ADAMTSL1: variants seen among roughly 807,000 people sequenced by gnomAD.
The protein encoded by ADAMTSL1 is ADAMTS-like protein 1.
ADAMTSL1 carries 126 observed loss-of-function variants against 201.8 expected under a neutral mutation model. The observed-to-expected ratio is 0.62, with a 90% CI of 0.54 to 0.72. The LOEUF is 0.72. Among genes scored for constraint, ADAMTSL1 ranks in the 30% least tolerant of loss-of-function variants. The pLI is 0.00. For missense variants in ADAMTSL1, 2,679 were observed against 2,277.8 expected (o/e 1.18, Z -3.59); for synonymous variants, 1,121 against 903.4 (o/e 1.24, Z -4.32).
chr9:18,247,495 G>A (rs1831303236), intron 2 of ADAMTSL1, among the ~76,000 whole-genome samples: 2 of 152,146 alleles, frequency 1.3e-5, no homozygotes, highest in Admixed American at 6.5e-5. Context: ...ACTGAGAAAA[G>A]AAATAAATAC....
intron 1 of ADAMTSL1, among the ~76,000 whole-genome samples, chr9:18,116,004 T>A (rs1406218405): frequency 6.6e-6 from 1 of 152,190 alleles, no homozygotes; most frequent in Non-Finnish European, 1.5e-5. Context: ...ATAAAACTGT[T>A]CTCTGATATT....
intron 2 of ADAMTSL1, among the ~76,000 whole-genome samples, chr9:18,192,275 C>T (rs1265203929): frequency 6.6e-6 from 1 of 152,068 alleles, no homozygotes. Context: ...AAAACATCAC[C>T]ACTTAGAGCA....
At chr9:18,846,813 C>G (rs187580631) in intron 23 of ADAMTSL1, among the ~76,000 whole-genome samples, 1 of 152,246 alleles carries the variant, frequency 6.6e-6, no homozygotes, top group Admixed American at 6.5e-5. Context: ...TTCAACGGGA[C>G]TTGGTAAATA....
chr9:18,151,686 A>G (rs920526522), intron 1 of ADAMTSL1, among the ~76,000 whole-genome samples: 3 of 152,074 alleles, frequency 2.0e-5, no homozygotes, highest in Non-Finnish European at 2.9e-5. Context: ...TCTTTATAAC[A>G]TAGTAAGAAA....
intron 1 of ADAMTSL1, among the ~76,000 whole-genome samples, chr9:18,056,721 C>A (rs945498878): frequency 6.6e-6 from 1 of 152,080 alleles, no homozygotes; most frequent in Non-Finnish European, 1.5e-5. Context: ...TCTCTCAGAC[C>A]CTTCAGGTAG....
intron 2 of ADAMTSL1, among the ~76,000 whole-genome samples, chr9:18,316,338 C>A (rs1353894617): frequency 6.6e-6 from 1 of 152,048 alleles, no homozygotes; most frequent in African/African-American, 2.4e-5. Context: ...GTGGGAATTT[C>A]CTCTTCCTAA....
chr9:18,817,004 C>G, intron 20 of ADAMTSL1, 105 bp from the exon 21 acceptor site: 1 of 1,419,856 alleles, frequency 7.0e-7, no homozygotes, highest in Non-Finnish European at 9.4e-7. Context: ...TGGCAAAAGT[C>G]TGGGTAGACC....
chr9:18,029,869 A>T (rs1820868542), intron 1 of ADAMTSL1, among the ~76,000 whole-genome samples: 1 of 152,162 alleles, frequency 6.6e-6, no homozygotes, highest in African/African-American at 2.4e-5. Context: ...ACCAGTTAGA[A>T]TGGTGATCAT....
At chr9:18,676,356 A>C (rs1237367405) in intron 10 of ADAMTSL1, among the ~76,000 whole-genome samples, 1 of 152,096 alleles carries the variant, frequency 6.6e-6, no homozygotes, top group African/African-American at 2.4e-5. Flanking sequence ...GGGGCTTTAA[A>C]TGTCCACTTT....
intron 1 of ADAMTSL1, among the ~76,000 whole-genome samples, chr9:18,003,783 C>G (rs1563944068): frequency 1.3e-5 from 2 of 152,034 alleles, no homozygotes; most frequent in Non-Finnish European, 2.9e-5. Flanking sequence ...AACGAATGAG[C>G]CTTCTGTGCA....
chr9:18,661,980 G>T lies in ADAMTSL1; in HGVS notation c.992G>T (p.Arg331Leu). 1 of 1,613,654 alleles carries T rather than the reference G, an allele frequency of 6.2e-7. No individual in the cohort carries two copies. Among genetic ancestry groups the T allele is most frequent in the Non-Finnish European group, 8.5e-7 (1 of 1,179,578 alleles). ...GAGTGCTACGATCTGAGGAGCAACC[G>T]TGTGGTTGCTGACCAATACTGTCAC... ...SAECYDLRSN[R>L]VVADQYCHYY... Residue 331 changes from arginine to leucine, a missense_variant, in exon 9 of 29, where the codon CGT becomes CTT. Transcript: ENST00000380548.
intron 2 of ADAMTSL1, among the ~76,000 whole-genome samples, chr9:18,505,812 C>T (rs1415423423): frequency 6.6e-6 from 1 of 152,172 alleles, no homozygotes; most frequent in East Asian, 1.9e-4. Flanking sequence ...CTAGACATTT[C>T]ATAAACAAAT....
chr9:18,020,444 T>C (rs1358783534), intron 1 of ADAMTSL1, among the ~76,000 whole-genome samples: 3 of 152,048 alleles, frequency 2.0e-5, no homozygotes, highest in Non-Finnish European at 4.4e-5. Flanking sequence ...GGAAGCTCTG[T>C]GTAGAGGGAA....
intron 1 of ADAMTSL1, among the ~76,000 whole-genome samples, chr9:17,943,368 G>T (rs1318846285): frequency 6.6e-6 from 1 of 152,084 alleles, no homozygotes; most frequent in African/African-American, 2.4e-5. Context: ...TTGTATTTTG[G>T]GGAGTTTAGA....
At chr9:18,411,479 G>A (rs1016191896) in intron 2 of ADAMTSL1, among the ~76,000 whole-genome samples, 8 of 152,224 alleles carry the variant, frequency 5.3e-5, no homozygotes, top group South Asian at 2.1e-4. Context: ...GATTATAGGC[G>A]TGAGCCGCCA....
intron 2 of ADAMTSL1, among the ~76,000 whole-genome samples, chr9:18,247,569 C>A (rs1007573748): frequency 1.3e-5 from 2 of 152,100 alleles, no homozygotes; most frequent in East Asian, 1.9e-4. Context: ...GTTCAGGGAA[C>A]AATGGGAAAT....
At chr9:18,679,020 C>T (rs1830290636) in intron 10 of ADAMTSL1, among the ~76,000 whole-genome samples, 1 of 152,126 alleles carries the variant, frequency 6.6e-6, no homozygotes, top group South Asian at 2.1e-4. Context: ...TATTTGGCAG[C>T]ATGTCTTGGC....
chr9:18,026,523 G>C (rs1288828423), intron 1 of ADAMTSL1, among the ~76,000 whole-genome samples: 2 of 151,894 alleles, frequency 1.3e-5, no homozygotes, highest in Admixed American at 6.6e-5. Context: ...TGATTCATGT[G>C]TGTTAAACAA....
chr9:18,201,174 G>C (rs748660970), intron 2 of ADAMTSL1, among the ~76,000 whole-genome samples: 11 of 152,220 alleles, frequency 7.2e-5, no homozygotes, highest in Non-Finnish European at 1.3e-4. Flanking sequence ...TTTGAGGGAA[G>C]AAATTGATTT....
Sources: gnomAD v4.1 joint callset for allele counts (sites outside exome capture counted in the v4.1 genomes callset) on GRCh38, gnomAD v4.1.1 for gene constraint, MANE v1.5 for transcripts, NCBI Gene and HGNC (gene_info 2026-07-23, HGNC 2026-07-21) for gene names.